PLAAT1: variants seen among roughly 807,000 people sequenced by gnomAD.
PLAAT1 encodes the protein phospholipase A and acyltransferase 1, also known as H-REV107 protein-related protein.
Under a neutral mutation model 16.4 loss-of-function variants are expected in PLAAT1, and 13 were observed. The ratio of observed to expected loss-of-function variants is 0.79; its 90% CI spans 0.52 to 1.26. The LOEUF (loss-of-function observed/expected upper bound fraction) is 1.26. Ranked by LOEUF, PLAAT1 falls within the 50% of genes most tolerant of loss-of-function variation. The pLI is 0.00. For synonymous variants in PLAAT1, 73 were observed against 78.4 expected, an observed-to-expected ratio of 0.93 and a Z score of 0.36; for missense variants, 218 against 207.8, an observed-to-expected ratio of 1.05 and a Z score of -0.30.
rs114017293 is a variant in PLAAT1, at chr3:193,252,997, C to G, written c.1-2654C>G. ...GCGGTGAGTAGGGCTCTCATGTTGT[C>G]CCTGACTTCATTCAGGGCAGTGCTG... On this transcript the variant is annotated intron_variant, in intron 1 of 3. Transcript: ENST00000264735. Among the ~76,000 whole-genome samples, 1,254 of 152,166 alleles carry G rather than the reference C, an allele frequency of 8.2e-3. 21 individuals carry two copies. Among genetic ancestry groups the G allele is most frequent in the African/African-American group, 0.029 (1,220 of 41,510 alleles).
chr3:193,267,750 A>G (rs971061436), intron 3 of PLAAT1, among the ~76,000 whole-genome samples: 2 of 152,228 alleles, frequency 1.3e-5, no homozygotes, highest in Admixed American at 6.5e-5. Context: ...GCTAGATCAT[A>G]TGGTTAGAAT....
At chr3:193,259,917 T>TA (rs1451279592) in intron 2 of PLAAT1, among the ~76,000 whole-genome samples, 4 of 150,638 alleles carry the variant, frequency 2.7e-5, no homozygotes, top group Admixed American at 1.3e-4. Flanking sequence ...TAGCAAAAAC[T>TA]AAAAAAAAGC....
intron 3 of PLAAT1, 72 bp from the exon 4 acceptor site, chr3:193,270,532 T>C (rs1577313491): frequency 6.9e-7 from 1 of 1,454,524 alleles, no homozygotes; most frequent in East Asian, 2.3e-5. Context: ...GGAAACAGGC[T>C]AAAGCTTCAT....
downstream of PLAAT1, among the ~76,000 whole-genome samples, chr3:193,280,708 G>A (rs890876130): frequency 2.0e-5 from 3 of 152,122 alleles, no homozygotes; most frequent in Admixed American, 2.0e-4. Flanking sequence ...TTTAGAGACG[G>A]TACCTTAGAA....
chr3:193,271,459 A>T (rs1177786655), downstream of PLAAT1, among the ~76,000 whole-genome samples: 1 of 152,254 alleles, frequency 6.6e-6, no homozygotes, highest in Non-Finnish European at 1.5e-5. Flanking sequence ...TTTGGAAAAC[A>T]ATATCTCATA....
At chr3:193,268,116 T>C (rs1716841868) in intron 3 of PLAAT1, among the ~76,000 whole-genome samples, 1 of 152,230 alleles carries the variant, frequency 6.6e-6, no homozygotes, top group Non-Finnish European at 1.5e-5. Context: ...ACAGTTGTTT[T>C]CTCTCAGTTT....
downstream of PLAAT1, among the ~76,000 whole-genome samples, chr3:193,278,018 G>C (rs1328400620): frequency 6.6e-6 from 1 of 152,092 alleles, no homozygotes; most frequent in South Asian, 2.1e-4. Context: ...TGGCCAGGCT[G>C]GTCTTGAACT....
intron 3 of PLAAT1, among the ~76,000 whole-genome samples, chr3:193,265,909 A>G (rs3905277): frequency 0.42 from 63,219 of 151,942 alleles, 14,083 homozygotes; most frequent in African/African-American, 0.56. Flanking sequence ...TGTTAATGAC[A>G]AAGTTGTTCA....
intron 1 of PLAAT1, among the ~76,000 whole-genome samples, chr3:193,252,668 A>G (rs1560100186): frequency 6.6e-6 from 1 of 152,060 alleles, no homozygotes; most frequent in African/African-American, 2.4e-5. Context: ...GTTTTTCTCT[A>G]TATTTTATAG....
chr3:193,274,746 T>C (rs1717106523), downstream of PLAAT1: 4 of 372,872 alleles, frequency 1.1e-5, no homozygotes, highest in East Asian at 1.9e-4. Flanking sequence ...TACTACTAAT[T>C]TGACTACAGT....
chr3:193,255,525 TCTAAGTCTTTAATATAGAATGCAGTCTCA>T, intron 1 of PLAAT1, 97 bp from the exon 2 acceptor site: 1 of 897,832 alleles, frequency 1.1e-6, no homozygotes, highest in Non-Finnish European at 1.6e-6. Context: ...GGGTCGTGAT[TCTAAGTCTTTAATATAGAATGCAGTCTCA>T]ATAAATTCTG....
chr3:193,241,264 C>T lies in PLAAT1; in HGVS notation c.-270C>T, dbSNP rs1577294146. On this transcript the variant is annotated 5_prime_UTR_variant, in exon 1 of 4. Coordinates refer to ENST00000264735, the MANE Select transcript of PLAAT1 (RefSeq NM_020386.5). ...GCTCGGCAGCGCCCGGACGCCGAGC[C>T]CAGCGCGTCGGCCCCCCGGCGTGCG... is the stretch of plus-strand genomic sequence containing the variant. 10 of 1,228,492 alleles carry T rather than the reference C, an allele frequency of 8.1e-6. No individual in the cohort carries two copies. The highest frequency in any genetic ancestry group is 4.1e-5 in the South Asian group (1 of 24,276). 76.1% of individuals were successfully genotyped at this position (1,228,492 alleles called of 1,614,324 possible). A position where few individuals can be genotyped will look rare whatever the true frequency, so the allele number is the denominator to read the frequency against.
intron 1 of PLAAT1, among the ~76,000 whole-genome samples, chr3:193,242,885 C>T (rs1300354919): frequency 3.3e-5 from 5 of 152,196 alleles, no homozygotes; most frequent in African/African-American, 1.2e-4. Context: ...AGCCTGTGAT[C>T]ACCTGCGATT....
downstream of PLAAT1, chr3:193,279,516 C>T (rs1284608256): frequency 1.0e-5 from 14 of 1,360,928 alleles, no homozygotes; most frequent in Non-Finnish European, 1.3e-5. Context: ...ATTTGGCACA[C>T]ATTGCAGAAT....
At chr3:193,246,442 G>A (rs977366137) in intron 1 of PLAAT1, among the ~76,000 whole-genome samples, 1 of 152,080 alleles carries the variant, frequency 6.6e-6, no homozygotes, top group African/African-American at 2.4e-5. Context: ...TTGACTCACT[G>A]CAACCTCCAC....
In PLAAT1 at chr3:193,266,622, A is replaced by T. The variant is rs573518956; in HGVS notation, c.405+3387A>T. On this transcript the variant is annotated intron_variant, in intron 3 of 3. Coordinates refer to ENST00000264735, the MANE Select transcript of PLAAT1 (RefSeq NM_020386.5). ...TGGAGTGTCCTTGAACCCACTGTTT[A>T]TCAGTCTTCTAATCAACACAGATCG... 2.6e-5 allele frequency among the ~76,000 whole-genome samples: 4 copies of T among 152,244 alleles called. 1 individual carries two copies. In the South Asian group the frequency reaches 8.3e-4, roughly 32 times the overall value.
intron 3 of PLAAT1, among the ~76,000 whole-genome samples, chr3:193,266,326 G>C (rs1051637080): frequency 2.0e-5 from 3 of 152,282 alleles, no homozygotes; most frequent in Middle Eastern, 6.8e-3. Context: ...TCAGTCTTCA[G>C]TAAAGTGGTT....
chr3:193,253,912 A>T (rs1254472566), intron 1 of PLAAT1, among the ~76,000 whole-genome samples: 1 of 152,192 alleles, frequency 6.6e-6, no homozygotes. Context: ...ATTGCACTAG[A>T]AAGTGCTCCC....
At chr3:193,281,147 T>TA (rs1395518860), downstream of PLAAT1, 23 of 983,290 alleles carry the variant, frequency 2.3e-5, no homozygotes, top group Non-Finnish European at 2.5e-5. Context: ...GGCTTGGTGA[T>TA]ACGATTTCAG....
Sources: gnomAD v4.1 joint callset for allele counts (sites outside exome capture counted in the v4.1 genomes callset) on GRCh38, gnomAD v4.1.1 for gene constraint, MANE v1.5 for transcripts, NCBI Gene and HGNC (gene_info 2026-07-23, HGNC 2026-07-21) for gene names.